Variants in ZNF420 observed in about 807,000 individuals in gnomAD.
ZNF420 encodes zinc finger protein 420.
Under a neutral mutation model 44.7 loss-of-function variants are expected in ZNF420, and 31 were observed. That is an observed-to-expected ratio of 0.69 (90% CI 0.52 to 0.94). The LOEUF (loss-of-function observed/expected upper bound fraction) is 0.94. Ranked by LOEUF, ZNF420 falls within the 40% of genes least tolerant of loss-of-function variation. The pLI, the probability that ZNF420 is intolerant of heterozygous loss-of-function variation, is 0.00. For synonymous variants in ZNF420, 245 were observed against 267.4 expected (o/e 0.92, Z 0.82); for missense variants, 681 against 827.9 (o/e 0.82, Z 2.18).
At chr19:37,071,321 G>C (rs961894322) in intron 1 of ZNF420, among the ~76,000 whole-genome samples, 1 of 152,122 alleles carries the variant, frequency 6.6e-6, no homozygotes, top group Non-Finnish European at 1.5e-5. Flanking sequence ...GTCACAGAAT[G>C]ATATATGAAA....
At position 37,080,107 on chromosome 19, in the gene ZNF420, C is replaced by G. The variant is rs184642296; in HGVS notation, c.-124-238C>G. ...ACCCAGTTCTGAACCTGAAGCACCC[C>G]ACTGCAGGACTGTCTCCAGTGTACA... On this transcript the variant is annotated intron_variant, in intron 1 of 4. Coordinates refer to ENST00000337995, the MANE Select transcript of ZNF420 (RefSeq NM_144689.5). Among the ~76,000 whole-genome samples the G allele has an allele frequency of 5.1e-3, 769 of 152,276 alleles. 10 individuals carry two copies. Among genetic ancestry groups the G allele is most frequent in the African/African-American group, 0.017 (719 of 41,554 alleles).
At chr19:37,053,730 C>T (rs1967686752) in intron 1 of ZNF420, among the ~76,000 whole-genome samples, 1 of 151,980 alleles carries the variant, frequency 6.6e-6, no homozygotes, top group Admixed American at 6.6e-5. Context: ...AGTTTTGTCT[C>T]AGAGGAGTAC....
intron 1 of ZNF420, among the ~76,000 whole-genome samples, chr19:37,055,586 G>A (rs1321105448): frequency 6.6e-6 from 1 of 152,208 alleles, no homozygotes; most frequent in Non-Finnish European, 1.5e-5. Flanking sequence ...GACTTCCAAG[G>A]GCAAAGCACG....
intron 4 of ZNF420, among the ~76,000 whole-genome samples, chr19:37,118,309 G>A (rs1970810876): frequency 6.6e-6 from 1 of 152,058 alleles, no homozygotes; most frequent in Non-Finnish European, 1.5e-5. Flanking sequence ...AGAGAAGGGG[G>A]GCCAATATTC....
intron 1 of ZNF420, among the ~76,000 whole-genome samples, chr19:37,051,427 C>T (rs995740728): frequency 3.9e-5 from 6 of 152,176 alleles, no homozygotes; most frequent in Non-Finnish European, 7.3e-5. Flanking sequence ...AGAGATTCAA[C>T]GTCTTCCTGG....
intron 1 of ZNF420, among the ~76,000 whole-genome samples, chr19:37,056,932 T>C (rs1967765465): frequency 6.6e-6 from 1 of 152,374 alleles, no homozygotes; most frequent in Non-Finnish European, 1.5e-5. Flanking sequence ...GCCTCTGCGC[T>C]GCCGCCATTG....
intron 4 of ZNF420, among the ~76,000 whole-genome samples, chr19:37,124,986 G>A (rs893644181): frequency 6.6e-5 from 10 of 152,064 alleles, no homozygotes; most frequent in South Asian, 2.1e-4. Flanking sequence ...ACAGGCACCC[G>A]CCACCATGCC....
intron 1 of ZNF420, among the ~76,000 whole-genome samples, chr19:37,059,244 C>G (rs79685490): frequency 2.8e-4 from 42 of 150,390 alleles, no homozygotes; most frequent in Non-Finnish European, 5.7e-4. Context: ...TACTGGACCC[C>G]GGATCCAGCC....
At chr19:37,031,271 T>C (rs1437751483) in intron 1 of ZNF420, among the ~76,000 whole-genome samples, 1 of 152,202 alleles carries the variant, frequency 6.6e-6, no homozygotes, top group Non-Finnish European at 1.5e-5. Flanking sequence ...TTCATTCTTA[T>C]TGTGAAATTT....
Position 37,127,358 on chromosome 19 carries a change from C to CA in ZNF420, c.368dup (p.His123GlnfsTer14). ...TGACAAAATGTCCATTTTCAACCAG[C>CA]ATACTTACTTATCTCAACATTCAAG... On this transcript the variant is annotated frameshift_variant, in exon 5 of 5. Transcript: ENST00000337995. LOFTEE classifies it low-confidence loss of function (END_TRUNC). 1 of 1,612,606 alleles carries CA rather than the reference C, an allele frequency of 6.2e-7. No individual in the cohort carries two copies. The highest frequency in any genetic ancestry group is 8.5e-7 in the Non-Finnish European group (1 of 1,178,906).
chr19:37,043,522 T>C (rs1568427672), intron 1 of ZNF420, among the ~76,000 whole-genome samples: 3 of 151,566 alleles, frequency 2.0e-5, no homozygotes, highest in African/African-American at 7.3e-5. Context: ...AAATTCCTTA[T>C]TTATTTATTT....
chr19:37,029,719 C>T (rs2254112), intron 1 of ZNF420, among the ~76,000 whole-genome samples: 3,665 of 152,076 alleles, frequency 0.024, 160 homozygotes, highest in African/African-American at 0.083. Context: ...GACGGGGTTT[C>T]ATCATGTTGG....
intron 1 of ZNF420, among the ~76,000 whole-genome samples, chr19:37,070,479 GAC>G (rs1180717412): frequency 6.6e-6 from 1 of 152,084 alleles, no homozygotes; most frequent in African/African-American, 2.4e-5. Context: ...TGTAAACAAA[GAC>G]AAGCTATAAA....
intron 1 of ZNF420, among the ~76,000 whole-genome samples, chr19:37,056,782 C>G (rs1688325784): frequency 6.6e-6 from 1 of 152,236 alleles, no homozygotes; most frequent in African/African-American, 2.4e-5. Flanking sequence ...TCCTCCTCCA[C>G]CGGTAGGAGT....
chr19:37,012,627 C>T (rs2074578602), intron 1 of ZNF420, among the ~76,000 whole-genome samples: 1 of 152,184 alleles, frequency 6.6e-6, no homozygotes, highest in Admixed American at 6.5e-5. Flanking sequence ...AGTCGTGCAC[C>T]CCCGTGACCT....
chr19:37,012,270 T>C (rs1391458317), intron 1 of ZNF420, among the ~76,000 whole-genome samples: 5 of 152,182 alleles, frequency 3.3e-5, no homozygotes, highest in African/African-American at 9.6e-5. Flanking sequence ...GCCGCCGCCA[T>C]TATTTAAAGG....
rs1968999666 is a variant in ZNF420 at position 37,089,263 on chromosome 19, T to C, written c.9+136T>C. On this transcript the variant is annotated intron_variant, in intron 3 of 4. Transcript: ENST00000337995. ...TGCTCCTCAGTTTGTCCCATTCTGA[T>C]AAGTGATAGTGTCTTCCCTAAGTGT... 4 of 774,868 alleles carry C rather than the reference T, an allele frequency of 5.2e-6. No individual in the cohort carries two copies. The Admixed American group carries it at 7.4e-5, about 14-fold the overall frequency. The allele number at this position is 774,868 out of a possible 1,614,324, so 48.0% of individuals were successfully genotyped here.
chr19:37,010,588 G>A lies in ZNF420; in HGVS notation c.-125+2506G>A, dbSNP rs1407808010. ...TCTGTGAGTGTGTGTGCCGGTGTGCGTGTGTGTGTTGAATGAATGTGCCCT... is the reference window on the plus strand; with the variant it reads ...TCTGTGAGTGTGTGTGCCGGTGTGCATGTGTGTGTTGAATGAATGTGCCCT... On this transcript the variant is annotated intron_variant, in intron 1 of 4. Coordinates refer to the ZNF420 transcript ENST00000587029. Among the ~76,000 whole-genome samples the A allele has an allele frequency of 3.9e-5, 6 of 151,938 alleles. No individual in the cohort carries two copies. In the East Asian group the frequency reaches 1.2e-3, roughly 29 times the overall value.
At chr19:37,063,956 C>G (rs950724392) in intron 1 of ZNF420, among the ~76,000 whole-genome samples, 3 of 152,130 alleles carry the variant, frequency 2.0e-5, no homozygotes, top group African/African-American at 7.2e-5. Flanking sequence ...TCAGTCTTGC[C>G]CTTTTATAAC....
Sources: allele counts gnomAD v4.1 joint callset (sites outside exome capture counted in the v4.1 genomes callset), GRCh38; gene constraint gnomAD v4.1.1; transcripts MANE v1.5; gene names NCBI Gene and HGNC (gene_info 2026-07-23, HGNC 2026-07-21).